The following ZNF445 variants were observed in gnomAD, a reference collection of about 807,000 sequenced individuals.
The protein encoded by ZNF445 is zinc finger protein 445, also known as zinc finger protein 168.
Under a neutral mutation model 93.9 loss-of-function variants are expected in ZNF445, and 19 were observed. That is an observed-to-expected ratio of 0.20 (90% CI 0.14 to 0.30). ZNF445 has a LOEUF of 0.30. ZNF445 is among the 10% of genes least tolerant of loss of function. The pLI is 1.00. For missense variants in ZNF445, 1,058 were observed against 1,259.4 expected, an observed-to-expected ratio of 0.84 and a Z score of 2.42; for synonymous variants, 449 against 446.3, an observed-to-expected ratio of 1.01 and a Z score of -0.08.
Position 44,451,492 on chromosome 3 carries a change from A to G in ZNF445, c.430-10T>C, listed in dbSNP as rs1431765425. The G allele has an allele frequency of 6.3e-7, 1 of 1,595,112 alleles. No homozygotes were observed. The highest frequency in any genetic ancestry group is 2.3e-5 in the East Asian group (1 of 44,384). The stretch of plus-strand genomic sequence containing the variant: ...GGGCAGGGCCCGGGTCCTGGCAAGA[A>G]GAAAATGTTGTGAGAGGATCTTTCT... On this transcript the variant is annotated splice_polypyrimidine_tract_variant and intron_variant, in intron 3 of 7. Coordinates refer to ENST00000396077, the MANE Select transcript of ZNF445 (RefSeq NM_181489.6).
chr3:44,440,580 T>C lies in ZNF445; in HGVS notation c.*5995A>G, dbSNP rs1185750660. 1 of 152,234 alleles carries C rather than the reference T, an allele frequency of 6.6e-6. No individual in the cohort carries two copies. Among genetic ancestry groups the C allele is most frequent in the Non-Finnish European group, 1.5e-5 (1 of 68,036 alleles). The allele number at this position is 152,234 out of a possible 1,614,324, so 9.4% of individuals were successfully genotyped here. A position where few individuals can be genotyped will look rare whatever the true frequency, so the allele number is the denominator to read the frequency against. On this transcript the variant is annotated 3_prime_UTR_variant, in exon 8 of 8. Coordinates refer to ENST00000396077, the MANE Select transcript of ZNF445 (RefSeq NM_181489.6). ...AGTTACTTAAGCGTTCGTTTACTAA[T>C]AGCCATTTGTATTGCTCCTGTTACC... is the stretch of plus-strand genomic sequence containing the variant.
intron 3 of ZNF445, 26 bp from the exon 4 acceptor site, chr3:44,451,508 G>A (rs375630980): frequency 6.3e-7 from 1 of 1,583,406 alleles, no homozygotes; most frequent in Non-Finnish European, 8.6e-7. Flanking sequence ...TGTTGTGAGA[G>A]GATCTTTCTG....
Position 44,444,960 on chromosome 3 carries a change from C to T in ZNF445, c.*1615G>A, listed in dbSNP as rs1697860673. ...ATCAGAAGCAATGATTACTCACATGCTTTAGCAATATCACTCCTTTGCCTT... is the reference window on the plus strand; with the variant it reads ...ATCAGAAGCAATGATTACTCACATGTTTTAGCAATATCACTCCTTTGCCTT... On this transcript the variant is annotated 3_prime_UTR_variant, in exon 8 of 8. Coordinates refer to ENST00000396077, the MANE Select transcript of ZNF445 (RefSeq NM_181489.6). 6.6e-6 allele frequency: 1 copy of T among 152,238 alleles called. No homozygotes were observed. The highest frequency in any genetic ancestry group is 6.5e-5 in the Admixed American group (1 of 15,290). The allele number at this position is 152,238 out of a possible 1,614,324, so 9.4% of individuals were successfully genotyped here.
Position 44,455,407 on chromosome 3 carries a change from C to T in ZNF445, c.143G>A (p.Arg48His). The T allele has an allele frequency of 8.7e-6, 14 of 1,614,206 alleles. No individual in the cohort carries two copies. The highest frequency in any genetic ancestry group is 1.1e-5 in the Non-Finnish European group (13 of 1,180,044). ...CTGGCGGAACAGCTCCTGGCCAGGG[C>T]GGTTGAGAGTCTGTGGCCTGGCAGC... is the stretch of plus-strand genomic sequence containing the variant. ...VQAARPQTLN[R>H]PGQELFRQLF... The change falls in exon 3 of 8, where the codon CGC (arginine) becomes CAC (histidine). Residue 48 changes from arginine to histidine, a missense_variant. By Grantham distance (29) the Arg-to-His change is conservative. Around this residue, in one of 3 missense-constraint regions of ZNF445, gnomAD observed 657 missense variants for 746.4 expected, o/e 0.88. Coordinates refer to ENST00000396077, the MANE Select transcript of ZNF445 (RefSeq NM_181489.6).
At chr3:44,457,568 C>T (rs991673017) in intron 2 of ZNF445, among the ~76,000 whole-genome samples, 3 of 152,148 alleles carry the variant, frequency 2.0e-5, no homozygotes, top group African/African-American at 4.8e-5. Flanking sequence ...GATCTCCAAT[C>T]GATTTTTGAT....
Position 44,447,885 on chromosome 3 carries a change from G to C in ZNF445, c.1786C>G (p.Leu596Val). ...TTCCTGCACTGGCTGCAGTCAAAGAGTTTCTCCCCACTTTGGTCTCCCAAA... is the reference window on the plus strand; with the variant it reads ...TTCCTGCACTGGCTGCAGTCAAAGACTTTCTCCCCACTTTGGTCTCCCAAA... ...HHLGDQSGEK[L>V]FDCSQCRKSF... Residue 596 changes from leucine (L) to valine (V), a missense_variant, in exon 8 of 8, where the codon CTC becomes GTC. Transcript: ENST00000396077. The surrounding 1 kb of genome is among the most constrained non-coding windows in gnomAD (Gnocchi z 4.7). 1 of 1,613,962 alleles carries C rather than the reference G, an allele frequency of 6.2e-7. No homozygotes were observed. Among genetic ancestry groups the C allele is most frequent in the Non-Finnish European group, 8.5e-7 (1 of 1,180,044 alleles).
rs1335765283 is a variant in ZNF445, at chr3:44,441,397, G to A, written c.*5178C>T. ...GGCAAGGTCTTTATGACTGTATCTT[G>A]TGCTGACCTCCTATCTCATCCCATG... On this transcript the variant is annotated 3_prime_UTR_variant, in exon 8 of 8. Transcript: ENST00000396077. 6.6e-6 allele frequency: 1 copy of A among 152,176 alleles called. No homozygotes were observed. The highest frequency in any genetic ancestry group is 1.9e-4 in the East Asian group (1 of 5,198). 9.4% of individuals were successfully genotyped at this position (152,176 alleles called of 1,614,324 possible). A position where few individuals can be genotyped will look rare whatever the true frequency, so the allele number is the denominator to read the frequency against.
intron 2 of ZNF445, among the ~76,000 whole-genome samples, chr3:44,456,686 A>C (rs573258285): frequency 2.2e-4 from 34 of 152,360 alleles, no homozygotes; most frequent in Non-Finnish European, 4.7e-4. Context: ...AAAATATCTC[A>C]AATGAGCAAT....
At chr3:44,454,756 G>C (rs951683427) in intron 3 of ZNF445, 1 of 282,306 alleles carries the variant, frequency 3.5e-6, no homozygotes, top group Non-Finnish European at 6.9e-6. Flanking sequence ...GAGACAGTGT[G>C]GGGGGGTCCT....
At chr3:44,460,751 C>A (rs1698102947) in intron 1 of ZNF445, among the ~76,000 whole-genome samples, 1 of 152,246 alleles carries the variant, frequency 6.6e-6, no homozygotes, top group Admixed American at 6.5e-5. Context: ...TCCCGCACAG[C>A]CAGTTCTGTG....
In ZNF445 at chr3:44,450,913, C is replaced by A; in HGVS notation, c.648G>T (p.Pro216=). 1 of 1,598,752 alleles carries A rather than the reference C, an allele frequency of 6.3e-7. No individual in the cohort carries two copies. Among genetic ancestry groups the A allele is most frequent in the East Asian group, 2.3e-5 (1 of 44,160 alleles). Residue 216 remains proline, a synonymous_variant, in exon 5 of 8, where the codon CCG becomes CCT. Transcript: ENST00000396077. ...MPALFPREGC[P]GDQVTPTRSL... is the part of the protein sequence containing the mutation. ...ACCTGGTTGGTGTTACCTGGTCTCCCGGGCACCCCTCTCTCGGGAAAAGGG... is the reference window on the plus strand; with the variant it reads ...ACCTGGTTGGTGTTACCTGGTCTCCAGGGCACCCCTCTCTCGGGAAAAGGG...
chr3:44,463,441 GAAAC>G (rs1461896680), intron 1 of ZNF445, among the ~76,000 whole-genome samples: 1 of 152,120 alleles, frequency 6.6e-6, no homozygotes, highest in African/African-American at 2.4e-5. Flanking sequence ...CGTTTTGGGG[GAAAC>G]AAACAAACAA....
intron 1 of ZNF445, among the ~76,000 whole-genome samples, chr3:44,472,324 T>C (rs1698280547): frequency 6.6e-6 from 1 of 152,190 alleles, no homozygotes; most frequent in African/African-American, 2.4e-5. Context: ...TGCACAAATG[T>C]CCAAAAGGGT....
In ZNF445 at chr3:44,448,184, T is replaced by C. The variant is rs1697905739; in HGVS notation, c.1487A>G (p.His496Arg). The C allele has an allele frequency of 1.2e-6, 2 of 1,614,114 alleles. No individual in the cohort carries two copies. The highest frequency in any genetic ancestry group is 1.7e-6 in the Non-Finnish European group (2 of 1,180,050). The part of the protein sequence containing the change: ...KCSDCGRTFS[H>R]SSHLAYHQRL... ...CTGATGATACGCAAGATGGGAGCTA[T>C]GACTGAAAGTCCTTCCACAGTCACT... The change falls in exon 8 of 8, where the codon CAT becomes CGT. Residue 496 changes from histidine to arginine, a missense_variant. By Grantham distance (29) the His-to-Arg change is conservative. This residue lies in a region of ZNF445 where 657 missense variants were observed against 746.4 expected (regional missense o/e 0.88). Transcript: ENST00000396077.
In ZNF445 at chr3:44,438,782, C is replaced by T. The variant is rs570591524; in HGVS notation, c.*7793G>A. ...ATCGCAAGAACAAAAAACCAAACACCGCATATTCTCACTCATAGGTGGGAA... is the reference window on the plus strand; with the variant it reads ...ATCGCAAGAACAAAAAACCAAACACTGCATATTCTCACTCATAGGTGGGAA... On this transcript the variant is annotated 3_prime_UTR_variant, in exon 8 of 8. Coordinates refer to ENST00000396077, the MANE Select transcript of ZNF445 (RefSeq NM_181489.6). The T allele has an allele frequency of 4.1e-5, 6 of 147,542 alleles. No individual in the cohort carries two copies. The South Asian group carries it at 6.4e-4, about 16-fold the overall frequency. 9.1% of individuals were successfully genotyped at this position (147,542 alleles called of 1,614,324 possible).
chr3:44,432,933 T>G lies in ZNF445; in HGVS notation c.*13642A>C, dbSNP rs956054500. 6.6e-6 allele frequency: 1 copy of G among 152,228 alleles called. No homozygotes were observed. Among genetic ancestry groups the G allele is most frequent in the African/African-American group, 2.4e-5 (1 of 41,454 alleles). The allele number at this position is 152,228 out of a possible 1,614,324, so 9.4% of individuals were successfully genotyped here. On this transcript the variant is annotated 3_prime_UTR_variant, in exon 8 of 8. Coordinates refer to ENST00000396077, the MANE Select transcript of ZNF445 (RefSeq NM_181489.6). ...GTCTGCTTCCTTTTCATTAAAATTC[T>G]GCTCATGGATTCATCCCTGCAGTAG...
At chr3:44,475,089 G>C (rs1215510601) in intron 1 of ZNF445, among the ~76,000 whole-genome samples, 3 of 152,154 alleles carry the variant, frequency 2.0e-5, no homozygotes, top group African/African-American at 7.2e-5. Context: ...GGGTGAAAGA[G>C]CGTTAACTCT....
chr3:44,447,274 G>A lies in ZNF445; in HGVS notation c.2397C>T (p.Phe799=). The A allele has an allele frequency of 6.2e-7, 1 of 1,614,146 alleles. No homozygotes were observed. ...PYKCRECGKA[F]RWSSNLYRHQ... is the part of the protein sequence containing the mutation. ...GTCGGTAGAGATTGGAACTCCATCT[G>A]AAGGCTTTCCCACACTCCCTGCACT... The change falls in exon 8 of 8, where the codon TTC becomes TTT. Residue 799 remains phenylalanine, a synonymous_variant. Transcript: ENST00000396077. The surrounding 1 kb of genome is among the most constrained non-coding windows in gnomAD (Gnocchi z 4.7).
At chr3:44,470,693 C>T (rs1259417844) in intron 1 of ZNF445, among the ~76,000 whole-genome samples, 1 of 152,176 alleles carries the variant, frequency 6.6e-6, no homozygotes, top group Non-Finnish European at 1.5e-5. Flanking sequence ...GATGAAAGGG[C>T]TCTCCTTCCT....
Sources: allele counts gnomAD v4.1 joint callset (sites outside exome capture counted in the v4.1 genomes callset), GRCh38; gene constraint gnomAD v4.1.1; regional missense constraint gnomAD v4.1.1; non-coding constraint Gnocchi (gnomAD v3.1); transcripts MANE v1.5; gene names NCBI Gene and HGNC (gene_info 2026-07-23, HGNC 2026-07-21).